AFF2: variants seen among roughly 807,000 people sequenced by gnomAD.
The protein encoded by AFF2 is ALF transcription elongation factor 2, also known as AF4/FMR2 family member 2.
A neutral mutation model predicts 76.9 loss-of-function variants in AFF2; 14 were observed. The observed-to-expected ratio is 0.18, with a 90% CI of 0.12 to 0.28. The LOEUF is 0.28. AFF2 is among the 10% of genes least tolerant of loss of function. The pLI, the probability that AFF2 is intolerant of heterozygous loss-of-function variation, is 1.00. For missense variants in AFF2, 868 were observed against 1,001.1 expected (o/e 0.87, Z 1.79); for synonymous variants, 398 against 366.7 (o/e 1.09, Z -0.98).
At chrX:148,936,255 A>G (rs2071774472) in intron 9 of AFF2, among the ~76,000 whole-genome samples, 2 of 111,975 alleles carry the variant, frequency 1.8e-5, no homozygotes, top group Non-Finnish European at 3.8e-5. Flanking sequence ...TCTGTGGAGC[A>G]CTGTCAAACC....
At chrX:148,945,538 G>A (rs1302063634) in intron 9 of AFF2, among the ~76,000 whole-genome samples, 1 of 111,928 alleles carries the variant, frequency 8.9e-6, no homozygotes, top group Non-Finnish European at 1.9e-5. Flanking sequence ...GTGGTCCACT[G>A]GGAGTTATCT....
intron 8 of AFF2, among the ~76,000 whole-genome samples, chrX:148,890,531 C>T (rs1557279634): frequency 8.9e-6 from 1 of 112,170 alleles, no homozygotes; most frequent in African/African-American, 3.2e-5. Flanking sequence ...CATTGCATGT[C>T]TTAACTGGCC....
intron 1 of AFF2, among the ~76,000 whole-genome samples, chrX:148,581,573 C>T (rs1398389743): frequency 9.8e-6 from 1 of 101,917 alleles, no homozygotes; most frequent in Non-Finnish European, 2.0e-5. Flanking sequence ...TATACGTATA[C>T]GTATACGTGT....
intron 9 of AFF2, among the ~76,000 whole-genome samples, chrX:148,906,191 G>A (rs965967004): frequency 1.8e-5 from 2 of 112,215 alleles, no homozygotes; most frequent in Non-Finnish European, 3.8e-5. Context: ...TGCTCTGCCT[G>A]ACAGGAGAAC....
rs782455888 is a variant in AFF2 at position 148,820,097 on chromosome X, T to C, written c.1086+10177T>C. 1.9e-3 allele frequency among the ~76,000 whole-genome samples: 210 copies of C among 111,941 alleles called. 1 individual carries two copies. The highest frequency in any genetic ancestry group is 3.4e-3 in the Non-Finnish European group (179 of 53,107). On this transcript the variant is annotated intron_variant, in intron 4 of 20. Coordinates refer to ENST00000370460, the MANE Select transcript of AFF2 (RefSeq NM_002025.4). ...TGTTCTTTTCCTAAAATGGTTTAGC[T>C]ATCCTAGTTCCTTTTCCTTTCCATA...
chrX:148,920,078 A>G (rs1405243811), intron 9 of AFF2, among the ~76,000 whole-genome samples: 1 of 112,319 alleles, frequency 8.9e-6, no homozygotes, highest in African/African-American at 3.2e-5. Context: ...CACAAATTCT[A>G]CAGTGTCCAG....
At chrX:148,761,520 A>T (rs1204847093) in intron 3 of AFF2, among the ~76,000 whole-genome samples, 1 of 105,265 alleles carries the variant, frequency 9.5e-6, no homozygotes, top group Admixed American at 1.0e-4. Flanking sequence ...AATTGAAAAC[A>T]TTCGCAATCC....
intron 1 of AFF2, among the ~76,000 whole-genome samples, chrX:148,539,142 G>A (rs782339262): frequency 1.8e-5 from 2 of 111,976 alleles, no homozygotes; most frequent in East Asian, 5.6e-4. Flanking sequence ...AGCTTTAAAT[G>A]TAGTATGCCC....
chrX:148,945,522 C>A (rs1349737583), intron 9 of AFF2, among the ~76,000 whole-genome samples: 1 of 112,063 alleles, frequency 8.9e-6, no homozygotes, highest in Admixed American at 9.4e-5. Context: ...CCTTGCCATG[C>A]TCAATGTGGT....
chrX:148,841,796 G>A (rs1414671358), intron 5 of AFF2, among the ~76,000 whole-genome samples: 1 of 111,826 alleles, frequency 8.9e-6, no homozygotes, highest in Admixed American at 9.5e-5. Flanking sequence ...CTCTACCAGG[G>A]AGAGCACAGA....
chrX:148,676,384 C>T (rs1258784525), intron 3 of AFF2, among the ~76,000 whole-genome samples: 1 of 111,729 alleles, frequency 9.0e-6, no homozygotes, highest in Non-Finnish European at 1.9e-5. Context: ...ATCTTACAGA[C>T]TGTTTGAAAG....
chrX:148,666,361 C>T (rs984451749), intron 3 of AFF2, among the ~76,000 whole-genome samples: 3 of 110,794 alleles, frequency 2.7e-5, no homozygotes, highest in East Asian at 2.9e-4. Context: ...TTGAGATGGG[C>T]GGATCATGAA....
At chrX:148,564,470 A>AG (rs1278989206) in intron 1 of AFF2, among the ~76,000 whole-genome samples, 1 of 98,816 alleles carries the variant, frequency 1.0e-5, no homozygotes, top group East Asian at 3.0e-4. Flanking sequence ...CTTGATTTGA[A>AG]AAAAAAAAAA....
At position 148,958,941 on chromosome X, in the gene AFF2, A is replaced by T. The variant is rs1306284143; in HGVS notation, c.2690+483A>T. Reference sequence around the variant, plus strand: ...TTTGATGTCATTACTTAACATTCATATGAATCTTGAGGACCAGTAGCTATG... The same window carrying T: ...TTTGATGTCATTACTTAACATTCATTTGAATCTTGAGGACCAGTAGCTATG... On this transcript the variant is annotated intron_variant, in intron 12 of 20. Coordinates refer to ENST00000370460, the MANE Select transcript of AFF2 (RefSeq NM_002025.4). 1.0e-4 allele frequency among the ~76,000 whole-genome samples: 11 copies of T among 107,693 alleles called. No homozygotes were observed. In the Admixed American group the frequency reaches 1.1e-3, roughly 11 times the overall value. 93.5% of individuals were successfully genotyped at this position (107,693 alleles called of 115,157 possible).
intron 9 of AFF2, among the ~76,000 whole-genome samples, chrX:148,926,392 G>C (rs782740633): frequency 2.7e-5 from 3 of 111,926 alleles, no homozygotes; most frequent in Non-Finnish European, 3.8e-5. Context: ...AGATGAAAAG[G>C]GGTGAATGGA....
chrX:148,753,765 C>T (rs1557266679), intron 3 of AFF2, among the ~76,000 whole-genome samples: 2 of 111,298 alleles, frequency 1.8e-5, no homozygotes, highest in Non-Finnish European at 3.8e-5. Flanking sequence ...ATGTCCTGAA[C>T]TGAAAAGTTT....
intron 3 of AFF2, among the ~76,000 whole-genome samples, chrX:148,772,164 T>C (rs1378340165): frequency 3.6e-5 from 4 of 112,295 alleles, no homozygotes; most frequent in African/African-American, 1.3e-4. Context: ...GGCAAGGTAA[T>C]TGACTCTTGC....
intron 3 of AFF2, among the ~76,000 whole-genome samples, chrX:148,767,947 A>G (rs781947558): frequency 9.1e-6 from 1 of 110,160 alleles, no homozygotes; most frequent in African/African-American, 3.3e-5. Context: ...CATGTGCTCT[A>G]TCTGATGAGC....
chrX:148,882,746 C>G (rs1175636484), intron 7 of AFF2, among the ~76,000 whole-genome samples: 1 of 111,723 alleles, frequency 9.0e-6, no homozygotes, highest in African/African-American at 3.3e-5. Flanking sequence ...TACGCTTTCC[C>G]TAGAGTAATG....
Sources: gnomAD v4.1 joint callset for allele counts (sites outside exome capture counted in the v4.1 genomes callset) on GRCh38, gnomAD v4.1.1 for gene constraint, MANE v1.5 for transcripts, NCBI Gene and HGNC (gene_info 2026-07-23, HGNC 2026-07-21) for gene names.